Variants in UBA6 observed in about 807,000 individuals in gnomAD.
The protein encoded by UBA6 is ubiquitin-like modifier-activating enzyme 6.
Under a neutral mutation model 148.3 loss-of-function variants are expected in UBA6, and 87 were observed. The observed-to-expected ratio is 0.59, with a 90% CI of 0.49 to 0.70. The LOEUF is 0.70. UBA6 is among the 30% of genes least tolerant of loss of function. The pLI is 0.00. For missense variants in UBA6, 1,186 were observed against 1,241.2 expected (o/e 0.96, Z 0.67); for synonymous variants, 376 against 401.0 (o/e 0.94, Z 0.75).
intron 6 of UBA6, among the ~76,000 whole-genome samples, chr4:67,674,927 C>T (rs1730240920): frequency 5.3e-5 from 8 of 151,890 alleles, no homozygotes; most frequent in Non-Finnish European, 1.5e-5. Context: ...TGCAGTGGTG[C>T]GATCTGGGCT....
At chr4:67,648,956 G>T in intron 14 of UBA6, 112 bp downstream of exon 14, 2 of 1,084,614 alleles carry the variant, frequency 1.8e-6, no homozygotes, top group Non-Finnish European at 2.6e-6. Context: ...TCTCTTTCAT[G>T]CATCAAAAAG....
intron 14 of UBA6, among the ~76,000 whole-genome samples, chr4:67,648,679 G>C (rs1428047299): frequency 1.3e-5 from 2 of 151,994 alleles, no homozygotes; most frequent in East Asian, 3.9e-4. Context: ...TTCCACTTTT[G>C]TAAGTTTATA....
Position 67,661,265 on chromosome 4 carries a change from T to G in UBA6, c.1104+924A>C, listed in dbSNP as rs1039423589. On this transcript the variant is annotated intron_variant, in intron 13 of 32. Transcript: ENST00000322244. ...GATTCAGGGGGTACCAGGGATGAAA[T>G]GATACATTTTGGCTGTGTCCCCACC... is the stretch of plus-strand genomic sequence containing the variant. Among the ~76,000 whole-genome samples, 44 of 152,260 alleles carry G rather than the reference T, an allele frequency of 2.9e-4. 2 individuals are homozygous for G. Among genetic ancestry groups the G allele is most frequent in the Admixed American group, 2.4e-3 (37 of 15,290 alleles).
intron 32 of UBA6, among the ~76,000 whole-genome samples, chr4:67,620,674 G>A (rs1728731483): frequency 4.6e-5 from 7 of 152,166 alleles, no homozygotes; most frequent in Admixed American, 3.9e-4. Flanking sequence ...AACTGCTTGA[G>A]GGCAGGGCTT....
chr4:67,638,960 G>C lies in UBA6; in HGVS notation c.1719C>G (p.Ala573=). ...VIITALDNVE[A]RRYVDSRCLA... ...GAACATACCTGTCTACGTATCTCCT[G>C]GCTTCCACATTATCTAATGCTGTAA... is the stretch of plus-strand genomic sequence containing the variant. The change falls in exon 19 of 33, where the codon GCC becomes GCG. Residue 573 remains alanine (A), a synonymous_variant. Coordinates refer to ENST00000322244, the MANE Select transcript of UBA6 (RefSeq NM_018227.6). 6.2e-7 allele frequency: 1 copy of C among 1,607,128 alleles called. No homozygotes were observed.
In UBA6 at chr4:67,618,857, T is replaced by G. The variant is rs1728687730; in HGVS notation, c.*140A>C. The stretch of plus-strand genomic sequence containing the variant: ...TGTTTTATAATTCTTCAGTGCAGTT[T>G]CTTACTGATGTTTCCCTTAAAATTA... On this transcript the variant is annotated 3_prime_UTR_variant, in exon 33 of 33. Transcript: ENST00000322244. 1 of 846,146 alleles carries G rather than the reference T, an allele frequency of 1.2e-6. No homozygotes were observed. Among genetic ancestry groups the G allele is most frequent in the South Asian group, 2.0e-5 (1 of 50,230 alleles). The allele number at this position is 846,146 out of a possible 1,614,324, so 52.4% of individuals were successfully genotyped here. A position where few individuals can be genotyped will look rare whatever the true frequency, so the allele number is the denominator to read the frequency against.
chr4:67,690,284 A>G (rs1038045161), intron 2 of UBA6, among the ~76,000 whole-genome samples: 1 of 152,128 alleles, frequency 6.6e-6, no homozygotes, highest in Admixed American at 6.5e-5. Flanking sequence ...GGACCCTTAT[A>G]CCATACAAAA....
chr4:67,691,938 C>T (rs1200561295), intron 2 of UBA6, among the ~76,000 whole-genome samples: 1 of 152,086 alleles, frequency 6.6e-6, no homozygotes, highest in Non-Finnish European at 1.5e-5. Context: ...GTCATAGACT[C>T]TAACATGATT....
chr4:67,660,774 G>A (rs1729831235), intron 13 of UBA6, among the ~76,000 whole-genome samples: 1 of 152,158 alleles, frequency 6.6e-6, no homozygotes, highest in African/African-American at 2.4e-5. Context: ...ACGAAAGCTT[G>A]GACCATGAAT....
intron 13 of UBA6, among the ~76,000 whole-genome samples, chr4:67,653,800 A>T (rs1466988454): frequency 6.6e-6 from 1 of 152,242 alleles, no homozygotes; most frequent in East Asian, 1.9e-4. Context: ...AAAGGGTTAG[A>T]AGAATTGCTA....
intron 2 of UBA6, 50 bp downstream of exon 2, chr4:67,696,595 T>G: frequency 3.6e-5 from 52 of 1,449,796 alleles, no homozygotes; most frequent in Non-Finnish European, 4.6e-5. Context: ...CTTGATTATT[T>G]GAGAACAATT....
chr4:67,620,719 C>CT (rs1230671236), intron 32 of UBA6, among the ~76,000 whole-genome samples: 1 of 152,162 alleles, frequency 6.6e-6, no homozygotes, highest in African/African-American at 2.4e-5. Context: ...ATTAACAGGA[C>CT]TAACATTTAT....
intron 7 of UBA6, among the ~76,000 whole-genome samples, chr4:67,672,812 C>T (rs997942350): frequency 6.6e-6 from 1 of 152,132 alleles, no homozygotes; most frequent in African/African-American, 2.4e-5. Flanking sequence ...TTTCTCATTA[C>T]TCGGAGCCCT....
intron 32 of UBA6, 134 bp downstream of exon 32, chr4:67,622,697 T>C: frequency 1.6e-6 from 1 of 612,448 alleles, no homozygotes; most frequent in East Asian, 3.1e-5. Flanking sequence ...GCAGATTCAC[T>C]GTCTTTATTA....
chr4:67,680,468 T>C (rs578173213), intron 4 of UBA6, among the ~76,000 whole-genome samples: 16 of 152,086 alleles, frequency 1.1e-4, no homozygotes, highest in African/African-American at 3.9e-4. Flanking sequence ...AACAAATAAA[T>C]TGCAAGAAAA....
intron 32 of UBA6, among the ~76,000 whole-genome samples, chr4:67,620,223 G>C (rs1002129430): frequency 6.6e-6 from 1 of 152,026 alleles, no homozygotes; most frequent in Non-Finnish European, 1.5e-5. Flanking sequence ...AAGATACTTA[G>C]GTATCCTAAT....
intron 10 of UBA6, 105 bp downstream of exon 10, chr4:67,665,078 ACAAATT>A: frequency 1.7e-6 from 1 of 595,336 alleles, no homozygotes; most frequent in Non-Finnish European, 2.8e-6. Flanking sequence ...AAAAATAAAA[ACAAATT>A]CTGTTCCACA....
At chr4:67,655,300 C>G (rs1051948029) in intron 13 of UBA6, among the ~76,000 whole-genome samples, 2 of 152,168 alleles carry the variant, frequency 1.3e-5, no homozygotes, top group African/African-American at 2.4e-5. Context: ...GTAAAACACT[C>G]CTCAGCAAAT....
chr4:67,663,709 ATT>A (rs1729920234), intron 11 of UBA6, 174 bp downstream of exon 11: 1 of 482,586 alleles, frequency 2.1e-6, no homozygotes, highest in African/African-American at 2.0e-5. Flanking sequence ...ACAAATTCAC[ATT>A]TTTAATCCTC....
Sources: gnomAD v4.1 joint callset for allele counts (sites outside exome capture counted in the v4.1 genomes callset) on GRCh38, gnomAD v4.1.1 for gene constraint, MANE v1.5 for transcripts, NCBI Gene and HGNC (gene_info 2026-07-23, HGNC 2026-07-21) for gene names.